Variants in CSMD1 observed in about 807,000 individuals in gnomAD.
CSMD1 encodes the protein CUB and Sushi multiple domains 1.
A neutral mutation model predicts 417.5 loss-of-function variants in CSMD1; 213 were observed. The ratio of observed to expected loss-of-function variants is 0.51; its 90% CI spans 0.46 to 0.57. The LOEUF (loss-of-function observed/expected upper bound fraction) is 0.57, where lower values mean the gene tolerates loss of function less well. Ranked by LOEUF, CSMD1 falls within the 20% of genes least tolerant of loss-of-function variation. The pLI, the probability that CSMD1 is intolerant of heterozygous loss-of-function variation, is 0.00. For synonymous variants in CSMD1, 2,862 were observed against 1,736.8 expected, an observed-to-expected ratio of 1.65 and a Z score of -16.11; for missense variants, 6,923 against 4,529.7, an observed-to-expected ratio of 1.53 and a Z score of -15.17.
chr8:3,111,998 C>G (rs1451329976), intron 42 of CSMD1, among the ~76,000 whole-genome samples: 3 of 151,898 alleles, frequency 2.0e-5, no homozygotes, highest in Admixed American at 1.3e-4. Context: ...CTTTAAAACT[C>G]AACTCCTTGT....
chr8:4,659,871 T>C (rs191361148), intron 1 of CSMD1, among the ~76,000 whole-genome samples: 1 of 151,810 alleles, frequency 6.6e-6, no homozygotes, highest in Admixed American at 6.6e-5. Flanking sequence ...ATCAAATAAA[T>C]CATAAAAATC....
chr8:3,982,931 T>G (rs557608816), intron 5 of CSMD1, among the ~76,000 whole-genome samples: 6 of 152,150 alleles, frequency 3.9e-5, no homozygotes, highest in African/African-American at 1.4e-4. Context: ...TATTGTTATA[T>G]GCACTTTGCA....
intron 10 of CSMD1, among the ~76,000 whole-genome samples, chr8:3,562,544 C>G (rs2116869586): frequency 6.6e-6 from 1 of 152,164 alleles, no homozygotes; most frequent in East Asian, 1.9e-4. Flanking sequence ...TTGGCAAAAT[C>G]AAAAGTTCCC....
intron 23 of CSMD1, among the ~76,000 whole-genome samples, chr8:3,335,231 C>T (rs562231048): frequency 5.9e-5 from 9 of 152,130 alleles, no homozygotes; most frequent in Admixed American, 1.3e-4. Context: ...TGCCCATACC[C>T]TCTGCTCTGT....
At chr8:4,460,908 C>G (rs1008516245) in intron 2 of CSMD1, among the ~76,000 whole-genome samples, 1 of 152,050 alleles carries the variant, frequency 6.6e-6, no homozygotes, top group East Asian at 1.9e-4. Context: ...GGATCACATT[C>G]CAACTTATTT....
chr8:4,131,908 G>A (rs12155795), intron 3 of CSMD1, among the ~76,000 whole-genome samples: 16,755 of 151,830 alleles, frequency 0.11, 1,112 homozygotes, highest in East Asian at 0.3. Flanking sequence ...GACTACAGGT[G>A]CCCGCAACCA....
intron 2 of CSMD1, among the ~76,000 whole-genome samples, chr8:4,514,326 C>A (rs759141773): frequency 6.6e-6 from 1 of 151,978 alleles, no homozygotes; most frequent in South Asian, 2.1e-4. Flanking sequence ...CTTTAGAGAC[C>A]CTCTCTCCAT....
chr8:3,584,302 T>C (rs975628898), intron 9 of CSMD1, among the ~76,000 whole-genome samples: 1 of 152,130 alleles, frequency 6.6e-6, no homozygotes, highest in African/African-American at 2.4e-5. Flanking sequence ...CGATTACTAG[T>C]AACGTTCCAG....
chr8:4,935,928 C>G (rs964160315), intron 1 of CSMD1, among the ~76,000 whole-genome samples: 1 of 152,222 alleles, frequency 6.6e-6, no homozygotes, highest in African/African-American at 2.4e-5. Context: ...GGATGCCACG[C>G]TGCCGCTCAG....
Position 3,973,127 on chromosome 8 carries a change from T to C in CSMD1, c.818+24776A>G, listed in dbSNP as rs1813197613. ...CCTGCTTTCTTGACAGTTGGAAAGT[T>C]ATGAAAATAAAATTCTAACGAATCC... On this transcript the variant is annotated intron_variant, in intron 5 of 69. Transcript: ENST00000635120. 3.9e-5 allele frequency among the ~76,000 whole-genome samples: 6 copies of C among 152,358 alleles called. 1 individual carries two copies. The South Asian group carries it at 1.2e-3, about 32-fold the overall frequency.
chr8:4,394,663 CT>C (rs911341713), intron 3 of CSMD1, among the ~76,000 whole-genome samples: 16 of 98,028 alleles, frequency 1.6e-4, no homozygotes, highest in African/African-American at 4.5e-4. Flanking sequence ...TTTCTCCTTT[CT>C]TTCCCTATTC....
At chr8:4,458,481 C>T (rs1425690947) in intron 2 of CSMD1, among the ~76,000 whole-genome samples, 2 of 151,992 alleles carry the variant, frequency 1.3e-5, no homozygotes, top group Non-Finnish European at 2.9e-5. Flanking sequence ...TATTGCTAAG[C>T]ATGCATATTA....
At position 3,845,628 on chromosome 8, in the gene CSMD1, G is replaced by C. The variant is rs190109491; in HGVS notation, c.819-91586C>G. 2.0e-3 allele frequency among the ~76,000 whole-genome samples: 310 copies of C among 152,152 alleles called. 1 individual carries two copies. Among genetic ancestry groups the C allele is most frequent in the African/African-American group, 7.3e-3 (303 of 41,498 alleles). ...GGGATCTATAAATGCAGTGTACTTA[G>C]GCACACTAAATTCATTTAAACATTT... On this transcript the variant is annotated intron_variant, in intron 5 of 69. Coordinates refer to ENST00000635120, the MANE Select transcript of CSMD1 (RefSeq NM_033225.6).
chr8:4,056,625 C>T (rs936604425), intron 3 of CSMD1, among the ~76,000 whole-genome samples: 3 of 151,606 alleles, frequency 2.0e-5, no homozygotes, highest in Non-Finnish European at 2.9e-5. Flanking sequence ...ATGCTGGGGT[C>T]CTGCACCCAT....
At chr8:3,289,858 T>G (rs1248971769) in intron 25 of CSMD1, among the ~76,000 whole-genome samples, 1 of 147,612 alleles carries the variant, frequency 6.8e-6, no homozygotes, top group Non-Finnish European at 1.5e-5. Context: ...GTTTTGGCTT[T>G]TGTTGCCATT....
chr8:4,373,504 C>T (rs1381585519), intron 3 of CSMD1, among the ~76,000 whole-genome samples: 1 of 152,108 alleles, frequency 6.6e-6, no homozygotes, highest in East Asian at 1.9e-4. Flanking sequence ...GTTTATTTAG[C>T]AAAAAACTTT....
intron 3 of CSMD1, among the ~76,000 whole-genome samples, chr8:4,367,553 G>C (rs1437538075): frequency 6.6e-6 from 1 of 152,044 alleles, no homozygotes; most frequent in African/African-American, 2.4e-5. Flanking sequence ...GGCTCTTTGG[G>C]CTCCATATAA....
At chr8:4,498,446 A>T (rs1802087233) in intron 2 of CSMD1, among the ~76,000 whole-genome samples, 1 of 152,128 alleles carries the variant, frequency 6.6e-6, no homozygotes, top group African/African-American at 2.4e-5. Context: ...CATTTACTTA[A>T]TTTTTAATTT....
intron 2 of CSMD1, among the ~76,000 whole-genome samples, chr8:4,505,912 C>A (rs1400718452): frequency 2.0e-5 from 3 of 152,004 alleles, no homozygotes; most frequent in African/African-American, 7.3e-5. Flanking sequence ...AATTCTCATG[C>A]CTCAGCCTCC....
Sources: allele counts gnomAD v4.1 joint callset (sites outside exome capture counted in the v4.1 genomes callset), GRCh38; gene constraint gnomAD v4.1.1; transcripts MANE v1.5; gene names NCBI Gene and HGNC (gene_info 2026-07-23, HGNC 2026-07-21).